AMH: variants seen among roughly 807,000 people sequenced by gnomAD.
The protein encoded by AMH is anti-Mullerian hormone.
Under a neutral mutation model 33.3 loss-of-function variants are expected in AMH, and 39 were observed. The observed-to-expected ratio is 1.17, with a 90% CI of 0.91 to 1.53. AMH has a LOEUF of 1.53. Ranked by LOEUF, AMH falls within the 40% of genes most tolerant of loss-of-function variation. The probability of loss-of-function intolerance (pLI) is 0.00; values close to 1 mark genes in which losing one functional copy is unlikely to be tolerated. For missense variants in AMH, 1,019 were observed against 799.8 expected, an observed-to-expected ratio of 1.27 and a Z score of -3.30; for synonymous variants, 536 against 403.0, an observed-to-expected ratio of 1.33 and a Z score of -3.95.
Position 2,251,636 on chromosome 19 carries a change from G to A in AMH, c.1362G>A (p.Gly454=). 6.3e-7 allele frequency: 1 copy of A among 1,584,238 alleles called. No homozygotes were observed. The highest frequency in any genetic ancestry group is 8.6e-7 in the Non-Finnish European group (1 of 1,168,720). ...CGGGTCGGGCACAGCGCAGCGCGGG[G>A]GCCACCGCCGCCGACGGGCCGTGCG... ...RGPGRAQRSA[G]ATAADGPCAL... is the part of the protein sequence containing the mutation. The change falls in exon 5 of 5, where the codon GGG becomes GGA. Residue 454 remains glycine (G), a synonymous_variant. Coordinates refer to ENST00000221496, the MANE Select transcript of AMH (RefSeq NM_000479.5).
rs558432762 is a variant in AMH at position 2,251,239 on chromosome 19, G to A, written c.965G>A (p.Gly322Asp). 1.1e-5 allele frequency: 16 copies of A among 1,502,550 alleles called. No homozygotes were observed. The highest frequency in any genetic ancestry group is 2.1e-5 in the Admixed American group (1 of 47,386). The allele number at this position is 1,502,550 out of a possible 1,614,324, so 93.1% of individuals were successfully genotyped here. Residue 322 changes from glycine to aspartate, a missense_variant, in exon 5 of 5, where the codon GGC (glycine) becomes GAC (aspartate). Gly to Asp is a moderately conservative substitution (Grantham distance 94). Transcript: ENST00000221496. ...RLALDPDALA[G>D]FPQGLVNLSD... ...GCCCTGGATCCGGACGCGCTGGCCG[G>A]CTTCCCGCAGGGCCTAGTCAACCTG...
Position 2,250,260 on chromosome 19 carries a change from G to A in AMH, c.413-77G>A, listed in dbSNP as rs113342522. On this transcript the variant is annotated intron_variant, in intron 1 of 4. Coordinates refer to ENST00000221496, the MANE Select transcript of AMH (RefSeq NM_000479.5). ...AGGTCCCCTGCACAGTGGCCAGAGC[G>A]GCAGGGACAGATCCCAAAGATTCCC... The A allele has an allele frequency of 9.7e-6, 15 of 1,538,610 alleles. No individual in the cohort carries two copies. In the African/African-American group the frequency reaches 1.2e-4, roughly 13 times the overall value.
chr19:2,251,415 G>T lies in AMH; in HGVS notation c.1141G>T (p.Ala381Ser), dbSNP rs1271945154. 2 of 1,446,172 alleles carry T rather than the reference G, an allele frequency of 1.4e-6. No homozygotes were observed. The highest frequency in any genetic ancestry group is 2.7e-5 in the Admixed American group (1 of 37,520). 89.6% of individuals were successfully genotyped at this position (1,446,172 alleles called of 1,614,324 possible). A position where few individuals can be genotyped will look rare whatever the true frequency, so the allele number is the denominator to read the frequency against. Residue 381 changes from alanine (A) to serine (S), a missense_variant, in exon 5 of 5, where the codon GCT becomes TCT. By Grantham distance (99) the Ala-to-Ser change is moderately conservative (BLOSUM62 1). Coordinates refer to ENST00000221496, the MANE Select transcript of AMH (RefSeq NM_000479.5). Reference protein sequence around the residue: ...WATALARRVAAELQAAAAELR... With the variant: ...WATALARRVASELQAAAAELR... ...CACGGCCCTGGCGCGCCGCGTGGCT[G>T]CTGAACTGCAAGCGGCGGCTGCCGA...
At chr19:2,249,789 AGGT>A in intron 1 of AMH, 45 bp downstream of exon 1, 2 of 1,458,544 alleles carry the variant, frequency 1.4e-6, no homozygotes, top group Non-Finnish European at 1.8e-6. Flanking sequence ...GTCTTCCTTC[AGGT>A]GGGCCGGGTC....
At position 2,251,333 on chromosome 19, in the gene AMH, T is replaced by G. The variant is rs994991215; in HGVS notation, c.1059T>G (p.Thr353=). ...EEPLLLLLRP[T]AATTGDPAPL... ...CGCTGCTGCTGCTGCTGAGGCCCAC[T>G]GCGGCCACCACCGGGGATCCTGCGC... Residue 353 remains threonine, a synonymous_variant, in exon 5 of 5, where the codon ACT becomes ACG. Transcript: ENST00000221496. 3.6e-4 allele frequency: 538 copies of G among 1,495,794 alleles called. No individual in the cohort carries two copies. Among genetic ancestry groups the G allele is most frequent in the Non-Finnish European group, 4.4e-4 (495 of 1,130,226 alleles). 92.7% of individuals were successfully genotyped at this position (1,495,794 alleles called of 1,614,324 possible).
intron 2 of AMH, 35 bp downstream of exon 2, chr19:2,250,514 G>T (rs1403021942): frequency 6.5e-7 from 1 of 1,543,662 alleles, no homozygotes; most frequent in South Asian, 1.2e-5. Context: ...TGCCCGGGCC[G>T]TGGCGGGGGG....
At chr19:2,249,844 G>A in intron 1 of AMH, 100 bp downstream of exon 1, 1 of 1,337,220 alleles carries the variant, frequency 7.5e-7, no homozygotes, top group Non-Finnish European at 9.9e-7. Flanking sequence ...CCCACCCTGG[G>A]CAGGGAGGCT....
Position 2,252,025 on chromosome 19 carries a change from T to G in AMH, c.*68T>G. On this transcript the variant is annotated 3_prime_UTR_variant, in exon 5 of 5. Coordinates refer to ENST00000221496, the MANE Select transcript of AMH (RefSeq NM_000479.5). ...CCCCAGCTCGCGCCCCTTCCCATAT[T>G]TATTCGGACCCCAAGCATCGCCCCA... The G allele has an allele frequency of 2.0e-6, 3 of 1,521,028 alleles. No individual in the cohort carries two copies. In the East Asian group the frequency reaches 7.4e-5, roughly 38 times the overall value. 94.2% of individuals were successfully genotyped at this position (1,521,028 alleles called of 1,614,324 possible). A position where few individuals can be genotyped will look rare whatever the true frequency, so the allele number is the denominator to read the frequency against.
In AMH at chr19:2,250,301, C is replaced by G. The variant is rs776523141; in HGVS notation, c.413-36C>G. The G allele has an allele frequency of 7.6e-6, 12 of 1,573,128 alleles. No individual in the cohort carries two copies. The South Asian group carries it at 1.4e-4, about 18-fold the overall frequency. On this transcript the variant is annotated intron_variant, in intron 1 of 4. Coordinates refer to ENST00000221496, the MANE Select transcript of AMH (RefSeq NM_000479.5). ...AAAGATTCCCGGGGGGTGTGGCCTTCAATGGCTCAGGCGTCCCCTGCTGTC... is the reference window on the plus strand; with the variant it reads ...AAAGATTCCCGGGGGGTGTGGCCTTGAATGGCTCAGGCGTCCCCTGCTGTC...
chr19:2,251,906 C>G lies in AMH; in HGVS notation c.1632C>G (p.Ile544Met). 6.4e-7 allele frequency: 1 copy of G among 1,563,666 alleles called. No individual in the cohort carries two copies. The highest frequency in any genetic ancestry group is 2.4e-5 in the East Asian group (1 of 42,468). The change falls in exon 5 of 5, where the codon ATC becomes ATG. Residue 544 changes from isoleucine to methionine, a missense_variant. By Grantham distance (10) the Ile-to-Met change is conservative. Transcript: ENST00000221496. ...TCATCAGCCTGTCGGAGGAGCGCAT[C>G]AGCGCGCACCACGTGCCCAACATGG... ...KLLISLSEER[I>M]SAHHVPNMVA... is the part of the protein sequence containing the mutation.
chr19:2,251,022 C>T lies in AMH; in HGVS notation c.824+14C>T. ...CCCGCCGCCCAGGTGCGCGCAGGCA[C>T]CGGGACACGGGGCAGGAGCGGGCGG... is the stretch of plus-strand genomic sequence containing the variant. On this transcript the variant is annotated intron_variant, in intron 4 of 4. Transcript: ENST00000221496. 6.6e-7 allele frequency: 1 copy of T among 1,517,418 alleles called. No homozygotes were observed. The highest frequency in any genetic ancestry group is 8.8e-7 in the Non-Finnish European group (1 of 1,139,236). 94.0% of individuals were successfully genotyped at this position (1,517,418 alleles called of 1,614,324 possible).
Position 2,249,591 on chromosome 19 carries a change from G to T in AMH, c.259G>T (p.Val87Leu). ...SAYEQAFLGA[V>L]QRARWGPRDL... Reference sequence around the variant, plus strand: ...CTATGAGCAGGCCTTCCTGGGGGCCGTGCAGAGGGCCCGCTGGGGCCCCCG... The same window carrying T: ...CTATGAGCAGGCCTTCCTGGGGGCCTTGCAGAGGGCCCGCTGGGGCCCCCG... The change falls in exon 1 of 5, where the codon GTG becomes TTG. Residue 87 changes from valine (V) to leucine (L), a missense_variant. Physicochemically the swap from Val to Leu is conservative, Grantham distance 32. Coordinates refer to ENST00000221496, the MANE Select transcript of AMH (RefSeq NM_000479.5). The T allele has an allele frequency of 6.4e-7, 1 of 1,559,308 alleles. No individual in the cohort carries two copies. The highest frequency in any genetic ancestry group is 8.7e-7 in the Non-Finnish European group (1 of 1,154,340).
In AMH at chr19:2,250,416, G is replaced by A. The variant is rs1165682223; in HGVS notation, c.492G>A (p.Leu164=). 2 of 1,568,686 alleles carry A rather than the reference G, an allele frequency of 1.3e-6. No homozygotes were observed. The highest frequency in any genetic ancestry group is 1.2e-5 in the South Asian group (1 of 85,478). Residue 164 remains leucine (L), a synonymous_variant, in exon 2 of 5, where the codon CTG becomes CTA. Coordinates refer to ENST00000221496, the MANE Select transcript of AMH (RefSeq NM_000479.5). The part of the protein sequence containing the change: ...GGAGPPELAL[L]VLYPGPGPEV... ...CTGGCCCCCCAGAGCTGGCGCTGCT[G>A]GTGCTGTACCCTGGGCCTGGCCCTG...
At position 2,251,487 on chromosome 19, in the gene AMH, G is replaced by T. The variant is rs781584095; in HGVS notation, c.1213G>T (p.Ala405Ser). ...GLPPATAPLL[A>S]RLLALCPGGP... ...GCCTCCGGCCACAGCCCCGCTGCTG[G>T]CGCGCCTGCTCGCGCTCTGCCCAGG... is the stretch of plus-strand genomic sequence containing the variant. The change falls in exon 5 of 5, where the codon GCG becomes TCG. Residue 405 changes from alanine (A) to serine (S), a missense_variant. Physicochemically the swap from Ala to Ser is moderately conservative, Grantham distance 99. Coordinates refer to ENST00000221496, the MANE Select transcript of AMH (RefSeq NM_000479.5). 3 of 1,379,608 alleles carry T rather than the reference G, an allele frequency of 2.2e-6. No homozygotes were observed. In the African/African-American group the frequency reaches 4.6e-5, roughly 21 times the overall value. The allele number at this position is 1,379,608 out of a possible 1,614,324, so 85.5% of individuals were successfully genotyped here. A position where few individuals can be genotyped will look rare whatever the true frequency, so the allele number is the denominator to read the frequency against.
Position 2,251,688 on chromosome 19 carries a change from C to G in AMH, c.1414C>G (p.Arg472Gly). 4.3e-6 allele frequency: 7 copies of G among 1,611,332 alleles called. No homozygotes were observed. The highest frequency in any genetic ancestry group is 5.9e-6 in the Non-Finnish European group (7 of 1,179,434). Residue 472 changes from arginine to glycine, a missense_variant, in exon 5 of 5, where the codon CGC (arginine) becomes GGC (glycine). Transcript: ENST00000221496. ...GCTGCGCGAGCTCAGCGTAGACCTC[C>G]GCGCCGAGCGCTCCGTACTCATCCC... Reference protein sequence around the residue: ...CALRELSVDLRAERSVLIPET... With the variant: ...CALRELSVDLGAERSVLIPET...
At position 2,249,599 on chromosome 19, in the gene AMH, G is replaced by A; in HGVS notation, c.267G>A (p.Arg89=). 1 of 1,547,922 alleles carries A rather than the reference G, an allele frequency of 6.5e-7. No homozygotes were observed. The highest frequency in any genetic ancestry group is 2.4e-5 in the East Asian group (1 of 42,040). The part of the protein sequence containing the change: ...YEQAFLGAVQ[R]ARWGPRDLAT... The stretch of plus-strand genomic sequence containing the variant: ...AGGCCTTCCTGGGGGCCGTGCAGAG[G>A]GCCCGCTGGGGCCCCCGAGACCTGG... The change falls in exon 1 of 5, where the codon AGG becomes AGA. Residue 89 remains arginine, a synonymous_variant. Coordinates refer to ENST00000221496, the MANE Select transcript of AMH (RefSeq NM_000479.5).
At position 2,251,690 on chromosome 19, in the gene AMH, C is replaced by T. The variant is rs2025048216; in HGVS notation, c.1416C>T (p.Arg472=). The T allele has an allele frequency of 6.2e-7, 1 of 1,611,348 alleles. No individual in the cohort carries two copies. Among genetic ancestry groups the T allele is most frequent in the Non-Finnish European group, 8.5e-7 (1 of 1,179,436 alleles). The change falls in exon 5 of 5, where the codon CGC becomes CGT. Residue 472 remains arginine, a synonymous_variant. Transcript: ENST00000221496. The part of the protein sequence containing the change: ...CALRELSVDL[R]AERSVLIPET... Reference sequence around the variant, plus strand: ...TGCGCGAGCTCAGCGTAGACCTCCGCGCCGAGCGCTCCGTACTCATCCCCG... The same window carrying T: ...TGCGCGAGCTCAGCGTAGACCTCCGTGCCGAGCGCTCCGTACTCATCCCCG...
chr19:2,251,542 G>A lies in AMH; in HGVS notation c.1268G>A (p.Arg423Gln). 3 of 1,339,932 alleles carry A rather than the reference G, an allele frequency of 2.2e-6. No homozygotes were observed. Among genetic ancestry groups the A allele is most frequent in the East Asian group, 3.2e-5 (1 of 30,960 alleles). 83.0% of individuals were successfully genotyped at this position (1,339,932 alleles called of 1,614,324 possible). Residue 423 changes from arginine (R) to glutamine (Q), a missense_variant, in exon 5 of 5, where the codon CGA (arginine) becomes CAA (glutamine). Transcript: ENST00000221496. ...GGPGGLGDPL[R>Q]ALLLLKALQG... ...CCCGGCGGCCTCGGCGATCCCCTGC[G>A]AGCGCTGCTGCTCCTGAAGGCGCTG...
Position 2,251,773 on chromosome 19 carries a change from A to G in AMH, c.1499A>G (p.Asn500Ser), listed in dbSNP as rs748167218. Reference sequence around the variant, plus strand: ...TGCGGCTGGCCTCAGTCCGACCGCAACCCGCGCTACGGCAACCACGTGGTG... The same window carrying G: ...TGCGGCTGGCCTCAGTCCGACCGCAGCCCGCGCTACGGCAACCACGTGGTG... ...GVCGWPQSDR[N>S]PRYGNHVVLL... Residue 500 changes from asparagine to serine, a missense_variant, in exon 5 of 5, where the codon AAC becomes AGC. Asn to Ser is a conservative substitution (Grantham distance 46). Transcript: ENST00000221496. The G allele has an allele frequency of 1.9e-6, 3 of 1,610,658 alleles. No individual in the cohort carries two copies. Among genetic ancestry groups the G allele is most frequent in the East Asian group, 2.2e-5 (1 of 44,814 alleles).
Sources: allele counts gnomAD v4.1 joint callset, GRCh38; gene constraint gnomAD v4.1.1; transcripts MANE v1.5; gene names NCBI Gene and HGNC (gene_info 2026-07-23, HGNC 2026-07-21).